ATRNL1: variants seen among roughly 807,000 people sequenced by gnomAD.
The protein encoded by ATRNL1 is attractin like 1, also known as attractin-like protein 1.
ATRNL1 carries 95 observed loss-of-function variants against 182.7 expected under a neutral mutation model. That is an observed-to-expected ratio of 0.52 (90% CI 0.44 to 0.62). The LOEUF (loss-of-function observed/expected upper bound fraction) is 0.62, where lower values mean the gene tolerates loss of function less well. Among genes scored for constraint, ATRNL1 ranks in the 20% least tolerant of loss-of-function variants. The probability of loss-of-function intolerance (pLI) is 0.00; values close to 1 mark genes in which losing one functional copy is unlikely to be tolerated. For missense variants in ATRNL1, 1,471 were observed against 1,679.5 expected, an observed-to-expected ratio of 0.88 and a Z score of 2.17; for synonymous variants, 576 against 568.3, an observed-to-expected ratio of 1.01 and a Z score of -0.19.
At chr10:115,534,239 A>G (rs1355504639) in intron 25 of ATRNL1, among the ~76,000 whole-genome samples, 1 of 150,684 alleles carries the variant, frequency 6.6e-6, no homozygotes, top group Non-Finnish European at 1.5e-5. Flanking sequence ...GTGGGAGTCT[A>G]AGTCTCCTTG....
chr10:115,094,111 C>G (rs1381511837), intron 1 of ATRNL1, 68 bp downstream of exon 1: 11 of 1,287,636 alleles, frequency 8.5e-6, no homozygotes, highest in South Asian at 6.7e-5. Flanking sequence ...TCCCCGCCCC[C>G]CTCGCGGCCT....
chr10:115,772,866 A>T (rs1282151641), intron 27 of ATRNL1, among the ~76,000 whole-genome samples: 1 of 152,112 alleles, frequency 6.6e-6, no homozygotes, highest in African/African-American at 2.4e-5. Flanking sequence ...CTGTACTGAG[A>T]TTCATAATGC....
intron 27 of ATRNL1, among the ~76,000 whole-genome samples, chr10:115,759,841 A>ATTTTTTTTTTTTTTTTTTTTT (rs58578796): frequency 1.6e-5 from 1 of 62,684 alleles, no homozygotes; most frequent in Non-Finnish European, 2.6e-5. Context: ...ACACCTGGCT[A>ATTTTTTTTTTTTTTTTTTTTT]TTTTTTTTTT....
chr10:115,244,334 A>T (rs1592314183), intron 10 of ATRNL1, among the ~76,000 whole-genome samples: 1 of 152,112 alleles, frequency 6.6e-6, no homozygotes, highest in Non-Finnish European at 1.5e-5. Flanking sequence ...TGGGTATATA[A>T]CCTTGCCTTC....
chr10:115,162,359 A>G (rs1285793009), intron 6 of ATRNL1, among the ~76,000 whole-genome samples: 2 of 152,040 alleles, frequency 1.3e-5, no homozygotes, highest in African/African-American at 2.4e-5. Flanking sequence ...GAAGGAGATC[A>G]GAGGATTGCA....
At chr10:115,535,949 G>T (rs1174567429) in intron 25 of ATRNL1, among the ~76,000 whole-genome samples, 6 of 151,692 alleles carry the variant, frequency 4.0e-5, no homozygotes, top group African/African-American at 9.7e-5. Flanking sequence ...GAATGCTGCT[G>T]TCTGATCGTT....
chr10:115,744,643 T>A (rs2907542), intron 27 of ATRNL1, among the ~76,000 whole-genome samples: 1 of 152,084 alleles, frequency 6.6e-6, no homozygotes, highest in African/African-American at 2.4e-5. Flanking sequence ...ACCCTCTTTT[T>A]GCCATAATAT....
At chr10:115,577,833 A>G (rs1854817282) in intron 26 of ATRNL1, among the ~76,000 whole-genome samples, 1 of 151,758 alleles carries the variant, frequency 6.6e-6, no homozygotes, top group Non-Finnish European at 1.5e-5. Flanking sequence ...TGTACCATAT[A>G]TTAGAGGCAA....
chr10:115,163,015 G>A (rs1846869119), intron 6 of ATRNL1, among the ~76,000 whole-genome samples: 1 of 150,556 alleles, frequency 6.6e-6, no homozygotes, highest in Non-Finnish European at 1.5e-5. Flanking sequence ...GTTTAAGAGA[G>A]AATGGAAAGT....
chr10:115,588,556 G>A (rs10885745), intron 26 of ATRNL1, among the ~76,000 whole-genome samples: 44,220 of 152,110 alleles, frequency 0.29, 7,647 homozygotes, highest in East Asian at 0.68. Context: ...CCCTTTGGGA[G>A]GAACAACAAA....
At chr10:115,120,311 A>C (rs782343951) in intron 2 of ATRNL1, 43 bp downstream of exon 2, 13 of 1,049,098 alleles carry the variant, frequency 1.2e-5, no homozygotes, top group Non-Finnish European at 1.9e-5. Flanking sequence ...TTTATTCTTA[A>C]ATGATAAAGG....
chr10:115,163,556 G>C (rs1774235352), intron 6 of ATRNL1, among the ~76,000 whole-genome samples: 1 of 151,494 alleles, frequency 6.6e-6, no homozygotes, highest in Non-Finnish European at 1.5e-5. Context: ...GTAGAGGCGG[G>C]GTCTCCCTAT....
chr10:115,854,943 T>G (rs1482790336), intron 28 of ATRNL1, among the ~76,000 whole-genome samples: 2 of 152,162 alleles, frequency 1.3e-5, no homozygotes, highest in African/African-American at 4.8e-5. Flanking sequence ...CGCTTCCTCA[T>G]ACCTTTGCAG....
intron 26 of ATRNL1, among the ~76,000 whole-genome samples, chr10:115,715,768 G>C (rs1947229698): frequency 6.6e-6 from 1 of 152,200 alleles, no homozygotes; most frequent in South Asian, 2.1e-4. Flanking sequence ...TCATAGACAT[G>C]CTAAGTAAAG....
At chr10:115,761,361 G>A (rs1948731307) in intron 27 of ATRNL1, among the ~76,000 whole-genome samples, 1 of 152,136 alleles carries the variant, frequency 6.6e-6, no homozygotes, top group Non-Finnish European at 1.5e-5. Flanking sequence ...GACATTGGGC[G>A]AGGTAAGGAA....
At chr10:115,282,355 C>A (rs574364153) in intron 14 of ATRNL1, among the ~76,000 whole-genome samples, 2 of 150,344 alleles carry the variant, frequency 1.3e-5, no homozygotes, top group Admixed American at 1.3e-4. Context: ...TGTGCTGCAC[C>A]CATTAACTCA....
At chr10:115,227,392 A>G (rs1418993460) in intron 9 of ATRNL1, among the ~76,000 whole-genome samples, 3 of 152,076 alleles carry the variant, frequency 2.0e-5, no homozygotes, top group Admixed American at 1.3e-4. Flanking sequence ...TTTAAAAAGT[A>G]AAACAACAAC....
intron 8 of ATRNL1, among the ~76,000 whole-genome samples, chr10:115,190,730 TGTTTA>T (rs1442361042): frequency 6.6e-6 from 1 of 152,106 alleles, no homozygotes; most frequent in Non-Finnish European, 1.5e-5. Flanking sequence ...CAGTTCTACT[TGTTTA>T]GTTATTTATT....
At chr10:115,331,669 AT>A (rs1222057423) in intron 18 of ATRNL1, among the ~76,000 whole-genome samples, 3 of 149,478 alleles carry the variant, frequency 2.0e-5, no homozygotes, top group Non-Finnish European at 3.0e-5. Context: ...CAAATTAGGT[AT>A]TTTTTTCCAG....
Sources: allele counts gnomAD v4.1 joint callset (sites outside exome capture counted in the v4.1 genomes callset), GRCh38; gene constraint gnomAD v4.1.1; transcripts MANE v1.5; gene names NCBI Gene and HGNC (gene_info 2026-07-23, HGNC 2026-07-21).